PLPPR5: variants seen among roughly 807,000 people sequenced by gnomAD.
PLPPR5 encodes the protein phospholipid phosphatase-related protein type 5.
PLPPR5 carries 16 observed loss-of-function variants against 33.9 expected under a neutral mutation model. The observed-to-expected ratio is 0.47, with a 90% confidence interval of 0.32 to 0.72. The LOEUF (loss-of-function observed/expected upper bound fraction) is 0.72, where lower values mean the gene tolerates loss of function less well. PLPPR5 is among the 30% of genes least tolerant of loss of function. The pLI is 0.03. For missense variants in PLPPR5, 301 were observed against 406.7 expected, an observed-to-expected ratio of 0.74 and a Z score of 2.23; for synonymous variants, 163 against 150.3, an observed-to-expected ratio of 1.08 and a Z score of -0.62.
chr1:98,906,176 T>A (rs1648890519), intron 5 of PLPPR5, among the ~76,000 whole-genome samples: 1 of 148,360 alleles, frequency 6.7e-6, no homozygotes, highest in Non-Finnish European at 1.5e-5. Context: ...ATATATATAG[T>A]GTGTGTGTAT....
chr1:98,901,766 C>T (rs1648702307), intron 5 of PLPPR5, among the ~76,000 whole-genome samples: 1 of 151,972 alleles, frequency 6.6e-6, no homozygotes, highest in African/African-American at 2.4e-5. Context: ...TGTTTCTGCA[C>T]TTCTATGTCT....
intron 5 of PLPPR5, among the ~76,000 whole-genome samples, chr1:98,902,539 T>G (rs1241575555): frequency 6.6e-6 from 1 of 152,148 alleles, no homozygotes; most frequent in Non-Finnish European, 1.5e-5. Flanking sequence ...ATTGAGTCAT[T>G]GCTTATTTAC....
At chr1:98,997,964 AAAGAGAG>A (rs1372224717) in intron 1 of PLPPR5, among the ~76,000 whole-genome samples, 15 of 152,300 alleles carry the variant, frequency 9.8e-5, no homozygotes, top group Middle Eastern at 6.8e-3. Flanking sequence ...CAGGAACAGG[AAAGAGAG>A]AGAAGGGTGG....
At chr1:98,894,823 A>G (rs1648410281) in intron 5 of PLPPR5, among the ~76,000 whole-genome samples, 1 of 152,110 alleles carries the variant, frequency 6.6e-6, no homozygotes, top group Non-Finnish European at 1.5e-5. Flanking sequence ...ACATTAAAGG[A>G]CTTTAATAAA....
intron 4 of PLPPR5, among the ~76,000 whole-genome samples, 165 bp downstream of exon 4, chr1:98,921,717 G>A (rs1649559598): frequency 6.6e-6 from 1 of 152,078 alleles, no homozygotes; most frequent in Non-Finnish European, 1.5e-5. Flanking sequence ...AATGGGGGAG[G>A]AGGAAGAAAT....
intron 5 of PLPPR5, among the ~76,000 whole-genome samples, chr1:98,899,624 G>A (rs1272540701): frequency 6.7e-6 from 1 of 150,182 alleles, no homozygotes. Context: ...AAAGTGTTAA[G>A]AAGACCTTCA....
intron 1 of PLPPR5, among the ~76,000 whole-genome samples, chr1:98,997,697 A>G (rs1652679710): frequency 6.6e-6 from 1 of 152,216 alleles, no homozygotes; most frequent in Non-Finnish European, 1.5e-5. Context: ...CACACCACAG[A>G]CTAAGGCTGG....
intron 5 of PLPPR5, among the ~76,000 whole-genome samples, chr1:98,898,238 T>C (rs1158763862): frequency 6.6e-6 from 1 of 152,152 alleles, no homozygotes; most frequent in Non-Finnish European, 1.5e-5. Flanking sequence ...TAACCAAATA[T>C]ACATATTCCT....
intron 1 of PLPPR5, among the ~76,000 whole-genome samples, chr1:99,003,056 CATAT>C (rs59686592): frequency 0.083 from 6,677 of 80,906 alleles, 195 homozygotes; most frequent in East Asian, 0.1. Flanking sequence ...ACTTATTTTA[CATAT>C]ATATATATAT....
intron 5 of PLPPR5, among the ~76,000 whole-genome samples, chr1:98,909,382 AATAG>A (rs1230013987): frequency 6.6e-6 from 1 of 151,576 alleles, no homozygotes; most frequent in Non-Finnish European, 1.5e-5. Flanking sequence ...ACTAAAGAAA[AATAG>A]ATGGTATTTC....
intron 1 of PLPPR5, among the ~76,000 whole-genome samples, chr1:98,987,686 T>A: frequency 6.6e-6 from 1 of 151,932 alleles, no homozygotes; most frequent in East Asian, 1.9e-4. Context: ...ACCATGGGAC[T>A]GGGTAAGAAT....
At chr1:98,974,344 T>C (rs1432881896) in intron 1 of PLPPR5, among the ~76,000 whole-genome samples, 3 of 152,068 alleles carry the variant, frequency 2.0e-5, no homozygotes, top group African/African-American at 7.2e-5. Context: ...TTGACAGTAA[T>C]GAAAGCACAA....
At chr1:98,928,798 T>C (rs1570705981) in intron 3 of PLPPR5, among the ~76,000 whole-genome samples, 3 of 151,880 alleles carry the variant, frequency 2.0e-5, no homozygotes, top group Admixed American at 2.0e-4. Flanking sequence ...CCTGCATATT[T>C]TTATCTACAT....
In PLPPR5 at chr1:98,973,206, C is replaced by T. The variant is rs1369117805; in HGVS notation, c.238-16465G>A. On this transcript the variant is annotated intron_variant, in intron 1 of 5. Transcript: ENST00000263177. ...TATTTGCAGATGAAAGCAATTTAAT[C>T]GTTACAAAGACCCTGAACCTGTGAA... Among the ~76,000 whole-genome samples, 7 of 152,080 alleles carry T rather than the reference C, an allele frequency of 4.6e-5. 1 individual carries two copies. The highest frequency in any genetic ancestry group is 6.5e-5 in the Admixed American group (1 of 15,272).
intron 2 of PLPPR5, among the ~76,000 whole-genome samples, chr1:98,954,647 T>C (rs1650936898): frequency 6.6e-6 from 1 of 152,086 alleles, no homozygotes; most frequent in Non-Finnish European, 1.5e-5. Context: ...GAAACAAAGA[T>C]ATTAGTTCAC....
At chr1:98,965,226 G>T (rs781465686) in intron 1 of PLPPR5, among the ~76,000 whole-genome samples, 20 of 152,106 alleles carry the variant, frequency 1.3e-4, no homozygotes, top group Non-Finnish European at 2.5e-4. Flanking sequence ...GAAGAGATCT[G>T]CTCCTGAACC....
At chr1:98,955,562 C>T (rs1484185666) in intron 2 of PLPPR5, among the ~76,000 whole-genome samples, 1 of 151,966 alleles carries the variant, frequency 6.6e-6, no homozygotes, top group Non-Finnish European at 1.5e-5. Flanking sequence ...AGATACATAA[C>T]TTGATGTCAG....
intron 1 of PLPPR5, among the ~76,000 whole-genome samples, chr1:98,999,694 A>G (rs1652755736): frequency 6.6e-6 from 1 of 152,194 alleles, no homozygotes; most frequent in South Asian, 2.1e-4. Context: ...GGAAAGCTTT[A>G]GGCAGGTTGA....
intron 3 of PLPPR5, among the ~76,000 whole-genome samples, chr1:98,930,567 G>A (rs1313118142): frequency 4.0e-5 from 6 of 151,614 alleles, no homozygotes; most frequent in African/African-American, 1.5e-4. Flanking sequence ...AGATAATATT[G>A]CAGCACATTA....
Sources: gnomAD v4.1 joint callset for allele counts (sites outside exome capture counted in the v4.1 genomes callset) on GRCh38, gnomAD v4.1.1 for gene constraint, MANE v1.5 for transcripts, NCBI Gene and HGNC (gene_info 2026-07-23, HGNC 2026-07-21) for gene names.